Variants in PPP3CA observed in about 807,000 individuals in gnomAD.
PPP3CA encodes CAM-PRP catalytic subunit.
PPP3CA carries 14 observed loss-of-function variants against 66.5 expected under a neutral mutation model. The ratio of observed to expected loss-of-function variants is 0.21; its 90% CI spans 0.14 to 0.33. The LOEUF (loss-of-function observed/expected upper bound fraction) is 0.33, where lower values mean the gene tolerates loss of function less well. Among genes scored for constraint, PPP3CA ranks in the 10% least tolerant of loss-of-function variants. PPP3CA has a pLI of 1.00. For missense variants in PPP3CA, 317 were observed against 639.5 expected, an observed-to-expected ratio of 0.50 and a Z score of 5.44; for synonymous variants, 232 against 226.2, an observed-to-expected ratio of 1.03 and a Z score of -0.23.
intron 1 of PPP3CA, among the ~76,000 whole-genome samples, chr4:101,339,038 A>G (rs1172403900): frequency 6.6e-6 from 1 of 152,250 alleles, no homozygotes; most frequent in Non-Finnish European, 1.5e-5. Context: ...CTAAGGAGAC[A>G]GCAGCGTTAG....
chr4:101,302,996 C>CAAAGGAAGCT (rs1456115669), intron 1 of PPP3CA, among the ~76,000 whole-genome samples: 1 of 152,104 alleles, frequency 6.6e-6, no homozygotes, highest in Non-Finnish European at 1.5e-5. Flanking sequence ...GAGTATCATT[C>CAAAGGAAGCT]AAAGCTATAT....
intron 1 of PPP3CA, among the ~76,000 whole-genome samples, chr4:101,319,597 T>C (rs1467033900): frequency 1.3e-5 from 2 of 152,118 alleles, no homozygotes; most frequent in Admixed American, 1.3e-4. Flanking sequence ...TTGGCAGTAC[T>C]TCCATAATAG....
chr4:101,276,547 C>A (rs929861969), intron 1 of PPP3CA, among the ~76,000 whole-genome samples: 2 of 152,126 alleles, frequency 1.3e-5, no homozygotes, highest in Non-Finnish European at 2.9e-5. Context: ...GCTTTTCCCC[C>A]CACATTTGTC....
chr4:101,143,864 A>T (rs750359537), intron 2 of PPP3CA, among the ~76,000 whole-genome samples: 2 of 152,190 alleles, frequency 1.3e-5, no homozygotes, highest in Non-Finnish European at 2.9e-5. Context: ...TAAAATGCTC[A>T]TATTCAGCCG....
intron 6 of PPP3CA, among the ~76,000 whole-genome samples, chr4:101,089,140 T>C (rs563676866): frequency 4.3e-4 from 66 of 152,134 alleles, no homozygotes; most frequent in African/African-American, 1.6e-3. Context: ...GGGCTAGACA[T>C]AGATTCAGGA....
intron 2 of PPP3CA, among the ~76,000 whole-genome samples, chr4:101,193,180 G>T (rs573402494): frequency 6.6e-6 from 1 of 152,264 alleles, no homozygotes; most frequent in South Asian, 2.1e-4. Context: ...GGAGGGCAAA[G>T]ACCAGGTCTT....
At chr4:101,041,886 G>T (rs1727538866) in intron 10 of PPP3CA, among the ~76,000 whole-genome samples, 1 of 152,082 alleles carries the variant, frequency 6.6e-6, no homozygotes, top group Non-Finnish European at 1.5e-5. Flanking sequence ...TAACAGAAAT[G>T]TTCCTAATCC....
At chr4:101,321,110 A>G (rs1729029222) in intron 1 of PPP3CA, among the ~76,000 whole-genome samples, 1 of 152,212 alleles carries the variant, frequency 6.6e-6, no homozygotes, top group Non-Finnish European at 1.5e-5. Flanking sequence ...CTATCAAAAG[A>G]CATGATTTGT....
intron 2 of PPP3CA, among the ~76,000 whole-genome samples, chr4:101,167,521 C>T (rs1329801595): frequency 2.0e-5 from 3 of 152,128 alleles, no homozygotes; most frequent in African/African-American, 4.8e-5. Flanking sequence ...AAACATCTCT[C>T]CCCTCCTTCA....
At chr4:101,067,403 C>A (rs1305235903) in intron 8 of PPP3CA, among the ~76,000 whole-genome samples, 1 of 151,984 alleles carries the variant, frequency 6.6e-6, no homozygotes, top group Non-Finnish European at 1.5e-5. Context: ...GTTCCCTGTA[C>A]ATAGTGAAGT....
At chr4:101,094,335 A>C (rs1323038806) in intron 5 of PPP3CA, among the ~76,000 whole-genome samples, 1 of 152,098 alleles carries the variant, frequency 6.6e-6, no homozygotes, top group Non-Finnish European at 1.5e-5. Context: ...TCTTTGGGAA[A>C]ATTCCTATTA....
intron 2 of PPP3CA, among the ~76,000 whole-genome samples, chr4:101,165,654 T>A (rs1253293756): frequency 6.6e-6 from 1 of 152,166 alleles, no homozygotes; most frequent in Non-Finnish European, 1.5e-5. Flanking sequence ...CATGTGTACA[T>A]CAATAAAATG....
At chr4:101,043,277 T>G (rs1727609665) in intron 10 of PPP3CA, among the ~76,000 whole-genome samples, 1 of 152,018 alleles carries the variant, frequency 6.6e-6, no homozygotes, top group Non-Finnish European at 1.5e-5. Flanking sequence ...AAATCATAAC[T>G]ACAGCAATGA....
At chr4:101,220,915 T>C (rs1222254767) in intron 1 of PPP3CA, among the ~76,000 whole-genome samples, 1 of 151,812 alleles carries the variant, frequency 6.6e-6, no homozygotes, top group African/African-American at 2.4e-5. Flanking sequence ...GATTGTCCTA[T>C]TTGAATTAAA....
intron 1 of PPP3CA, among the ~76,000 whole-genome samples, chr4:101,333,270 GT>G (rs70961788): frequency 1.5e-4 from 7 of 47,270 alleles, no homozygotes; most frequent in Non-Finnish European, 2.5e-4. Flanking sequence ...ACCATGCCCA[GT>G]TTTTTTTTTT....
intron 1 of PPP3CA, among the ~76,000 whole-genome samples, chr4:101,245,667 T>C (rs1459709222): frequency 6.6e-6 from 1 of 152,092 alleles, no homozygotes; most frequent in Non-Finnish European, 1.5e-5. Context: ...CTAAATCCTA[T>C]ATTGGTTCCA....
chr4:101,322,671 A>T (rs981496402), intron 1 of PPP3CA, among the ~76,000 whole-genome samples: 2 of 152,118 alleles, frequency 1.3e-5, no homozygotes, highest in South Asian at 2.1e-4. Flanking sequence ...CAGCCTCCCA[A>T]AGAGCTGGGA....
At chr4:101,222,131 T>C (rs990035990) in intron 1 of PPP3CA, among the ~76,000 whole-genome samples, 1 of 151,718 alleles carries the variant, frequency 6.6e-6, no homozygotes, top group Non-Finnish European at 1.5e-5. Flanking sequence ...TGCAATCATT[T>C]ATCAAGCTTT....
chr4:101,230,849 T>A (rs1299677063), intron 1 of PPP3CA, among the ~76,000 whole-genome samples: 1 of 151,784 alleles, frequency 6.6e-6, no homozygotes, highest in African/African-American at 2.4e-5. Context: ...CAATGAGGAT[T>A]TCTACTTTTC....
Sources: allele counts gnomAD v4.1 joint callset (sites outside exome capture counted in the v4.1 genomes callset), GRCh38; gene constraint gnomAD v4.1.1; transcripts MANE v1.5; gene names NCBI Gene and HGNC (gene_info 2026-07-23, HGNC 2026-07-21).